Variants in NMRK2 observed in about 807,000 individuals in gnomAD.
NMRK2 encodes the protein nicotinamide riboside kinase 2, also known as NRK 2.
NMRK2 carries 34 observed loss-of-function variants against 24.7 expected under a neutral mutation model. The ratio of observed to expected loss-of-function variants is 1.37; its 90% confidence interval spans 1.05 to 1.83. The LOEUF is 1.83. Among genes scored for constraint, NMRK2 ranks in the 40% most tolerant of loss-of-function variants. The probability of loss-of-function intolerance (pLI) is 0.00; values close to 1 mark genes in which losing one functional copy is unlikely to be tolerated. For synonymous variants in NMRK2, 145 were observed against 125.6 expected, an observed-to-expected ratio of 1.15 and a Z score of -1.03; for missense variants, 341 against 315.0, an observed-to-expected ratio of 1.08 and a Z score of -0.62.
At position 3,933,680 on chromosome 19, in the gene NMRK2, C is replaced by T. The variant is rs1198482923; in HGVS notation, c.9C>T (p.Leu3=). 5.4e-6 allele frequency: 8 copies of T among 1,487,770 alleles called. No individual in the cohort carries two copies. The highest frequency in any genetic ancestry group is 1.3e-5 in the South Asian group (1 of 79,068). The allele number at this position is 1,487,770 out of a possible 1,614,324, so 92.2% of individuals were successfully genotyped here. The part of the protein sequence containing the change: MK[L]IVGIGGMTNG... ...CGCCCCTCCGCACCGGCATGAAGCT[C>T]ATCGTGGGCATCGGAGGGTGAGCGC... Residue 3 remains leucine (L), a synonymous_variant, in exon 2 of 8, where the codon CTC becomes CTT. Transcript: ENST00000168977.
At chr19:3,935,562 G>C (rs1470553518) in intron 2 of NMRK2, among the ~76,000 whole-genome samples, 1 of 151,510 alleles carries the variant, frequency 6.6e-6, no homozygotes, top group Non-Finnish European at 1.5e-5. Context: ...AGCTAAAATT[G>C]TTTATATTAT....
intron 7 of NMRK2, 66 bp downstream of exon 7, chr19:3,941,243 C>T: frequency 1.4e-6 from 1 of 728,172 alleles, no homozygotes; most frequent in South Asian, 1.7e-5. Flanking sequence ...CCCAGCCCCT[C>T]TCCATCTTTT....
intron 3 of NMRK2, 58 bp downstream of exon 3, chr19:3,936,723 GC>G: frequency 7.1e-7 from 1 of 1,408,486 alleles, no homozygotes; most frequent in Non-Finnish European, 9.7e-7. Context: ...GGGCAGCCAG[GC>G]CCGGCCAGCC....
In NMRK2 at chr19:3,938,716, A is replaced by G. The variant is rs1440881050; in HGVS notation, c.280A>G (p.Thr94Ala). Residue 94 changes from threonine (T) to alanine (A), a missense_variant, in exon 5 of 8, where the codon ACC becomes GCC. Transcript: ENST00000168977. ...GVSVQPEASD[T>A]HILLLEGFLL... Reference sequence around the variant, plus strand: ...CAGCGTCCAGCCAGAGGCCTCGGACACCCACATCCTCCTCCTGGAAGGCTT... The same window carrying G: ...CAGCGTCCAGCCAGAGGCCTCGGACGCCCACATCCTCCTCCTGGAAGGCTT... 3 of 1,609,872 alleles carry G rather than the reference A, an allele frequency of 1.9e-6. No homozygotes were observed. In the Admixed American group the frequency reaches 5.0e-5, roughly 27 times the overall value.
At chr19:3,936,300 C>A (rs1191912525) in intron 2 of NMRK2, among the ~76,000 whole-genome samples, 1 of 151,244 alleles carries the variant, frequency 6.6e-6, no homozygotes, top group Non-Finnish European at 1.5e-5. Flanking sequence ...CCCAGCTACT[C>A]AGGAGGCTGA....
Position 3,942,285 on chromosome 19 carries a change from T to C in NMRK2, c.*12T>C, listed in dbSNP as rs750480488. 2.5e-6 allele frequency: 4 copies of C among 1,590,924 alleles called. No homozygotes were observed. The highest frequency in any genetic ancestry group is 1.8e-5 in the Admixed American group (1 of 56,194). On this transcript the variant is annotated 3_prime_UTR_variant, in exon 8 of 8. Coordinates refer to ENST00000168977, the MANE Select transcript of NMRK2 (RefSeq NM_170678.3). ...AGGACAGCATGTGAGCGTTTCCCTATGGGGGTGTCTGTACGTAGGAGAGTG... is the reference window on the plus strand; with the variant it reads ...AGGACAGCATGTGAGCGTTTCCCTACGGGGGTGTCTGTACGTAGGAGAGTG...
intron 2 of NMRK2, among the ~76,000 whole-genome samples, chr19:3,933,953 TA>T (rs34748633): frequency 0.5 from 74,493 of 149,474 alleles, 20,423 homozygotes; most frequent in East Asian, 0.91. Flanking sequence ...ATACTCAGCA[TA>T]AAAAAAAAAT....
chr19:3,936,208 C>G (rs2039210033), intron 2 of NMRK2, among the ~76,000 whole-genome samples: 1 of 147,680 alleles, frequency 6.8e-6, no homozygotes, highest in African/African-American at 2.5e-5. Flanking sequence ...GAAACTCCGT[C>G]TCGGAAAAAA....
Position 3,933,648 on chromosome 19 carries a change from T to A in NMRK2, c.-24T>A. ...CCTACCCGGGCTGCCTTGGAAGTCG[T>A]CCCCGCCGCCCCTCCGCACCGGCAT... On this transcript the variant is annotated 5_prime_UTR_variant, in exon 2 of 8. Coordinates refer to ENST00000168977, the MANE Select transcript of NMRK2 (RefSeq NM_170678.3). 1 of 1,516,206 alleles carries A rather than the reference T, an allele frequency of 6.6e-7. No homozygotes were observed. The highest frequency in any genetic ancestry group is 8.8e-7 in the Non-Finnish European group (1 of 1,133,652). 93.9% of individuals were successfully genotyped at this position (1,516,206 alleles called of 1,614,324 possible).
chr19:3,936,471 G>A (rs112335005), intron 2 of NMRK2, 104 bp from the exon 3 acceptor site: 13,529 of 684,906 alleles, frequency 0.02, 198 homozygotes, highest in Non-Finnish European at 0.024. Context: ...CCTGAGACAT[G>A]GACAGGCCCC....
At chr19:3,940,003 C>T in intron 6 of NMRK2, 32 bp downstream of exon 6, 2 of 1,584,968 alleles carry the variant, frequency 1.3e-6, no homozygotes, top group Non-Finnish European at 1.7e-6. Flanking sequence ...GCGGTGGGCT[C>T]CTGAGGGCCC....
At chr19:3,936,731 A>G (rs2145293375) in intron 3 of NMRK2, 66 bp downstream of exon 3, 1 of 1,363,436 alleles carries the variant, frequency 7.3e-7, no homozygotes, top group Non-Finnish European at 1.0e-6. Context: ...AGGCCCGGCC[A>G]GCCCCGCCCT....
At chr19:3,934,949 CCACCCGGGG>C (rs1488219277) in intron 2 of NMRK2, among the ~76,000 whole-genome samples, 1 of 152,118 alleles carries the variant, frequency 6.6e-6, no homozygotes, top group Non-Finnish European at 1.5e-5. Context: ...ATGTCACAGC[CCACCCGGGG>C]CACAAAATAA....
In NMRK2 at chr19:3,937,278, A is replaced by T; in HGVS notation, c.156A>T (p.Lys52Asn). Residue 52 changes from lysine to asparagine, a missense_variant, in exon 4 of 8, where the codon AAA (lysine) becomes AAT (asparagine). Coordinates refer to ENST00000168977, the MANE Select transcript of NMRK2 (RefSeq NM_170678.3). ...DQIAVGEDGFKQWDVLESLDM... is the reference protein window; with the variant it reads ...DQIAVGEDGFNQWDVLESLDM... ...TAGCAGTTGGGGAAGACGGCTTCAA[A>T]CAGTGGGACGGTAAGGACAAGCATC... 1 of 1,613,086 alleles carries T rather than the reference A, an allele frequency of 6.2e-7. No individual in the cohort carries two copies. Among genetic ancestry groups the T allele is most frequent in the Non-Finnish European group, 8.5e-7 (1 of 1,179,468 alleles).
intron 3 of NMRK2, 49 bp downstream of exon 3, chr19:3,936,714 G>A: frequency 6.8e-7 from 1 of 1,479,990 alleles, no homozygotes; most frequent in Non-Finnish European, 9.1e-7. Flanking sequence ...ATGCAGGGTG[G>A]GCAGCCAGGC....
intron 2 of NMRK2, among the ~76,000 whole-genome samples, chr19:3,934,544 GTTTTTTGGGGTTTTT>G (rs2039177622): frequency 1.0e-5 from 1 of 95,918 alleles, no homozygotes; most frequent in Non-Finnish European, 2.1e-5. Flanking sequence ...CATATTTTTT[GTTTTTTGGGGTTTTT>G]TTTTTTGGGG....
At chr19:3,936,438 T>G in intron 2 of NMRK2, 137 bp from the exon 3 acceptor site, 1 of 560,074 alleles carries the variant, frequency 1.8e-6, no homozygotes, top group African/African-American at 1.9e-5. Context: ...AGAAAAATCC[T>G]GGGAGCTGAT....
chr19:3,935,460 T>G (rs1438626033), intron 2 of NMRK2, among the ~76,000 whole-genome samples: 1 of 151,958 alleles, frequency 6.6e-6, no homozygotes, highest in Non-Finnish European at 1.5e-5. Flanking sequence ...TTCACCAGGT[T>G]GGCCAGTCTG....
At chr19:3,940,244 G>T (rs1471713377) in intron 6 of NMRK2, among the ~76,000 whole-genome samples, 1 of 150,226 alleles carries the variant, frequency 6.7e-6, no homozygotes, top group Non-Finnish European at 1.5e-5. Flanking sequence ...CTACTTGGGA[G>T]GCTGAGGCAG....
Sources: gnomAD v4.1 joint callset for allele counts (sites outside exome capture counted in the v4.1 genomes callset) on GRCh38, gnomAD v4.1.1 for gene constraint, MANE v1.5 for transcripts, NCBI Gene and HGNC (gene_info 2026-07-23, HGNC 2026-07-21) for gene names.